The following OSBPL3 variants were observed in gnomAD, a reference collection of about 807,000 sequenced individuals.
OSBPL3 encodes oxysterol binding protein like 3.
A neutral mutation model predicts 120.1 loss-of-function variants in OSBPL3; 65 were observed. The ratio of observed to expected loss-of-function variants is 0.54; its 90% CI spans 0.44 to 0.67. The LOEUF is 0.67. Ranked by LOEUF, OSBPL3 falls within the 30% of genes least tolerant of loss-of-function variation. The probability of loss-of-function intolerance (pLI) is 0.00; values close to 1 mark genes in which losing one functional copy is unlikely to be tolerated. For synonymous variants in OSBPL3, 416 were observed against 402.6 expected, an observed-to-expected ratio of 1.03 and a Z score of -0.40; for missense variants, 1,004 against 1,082.1, an observed-to-expected ratio of 0.93 and a Z score of 1.01.
intron 12 of OSBPL3, among the ~76,000 whole-genome samples, chr7:24,844,295 C>T (rs1798132538): frequency 6.6e-6 from 1 of 152,192 alleles, no homozygotes; most frequent in African/African-American, 2.4e-5. Flanking sequence ...GCCCGGGCGC[C>T]ACATATGGCC....
chr7:24,923,232 G>T (rs554182766), intron 1 of OSBPL3, among the ~76,000 whole-genome samples: 1 of 152,234 alleles, frequency 6.6e-6, no homozygotes, highest in African/African-American at 2.4e-5. Flanking sequence ...AGCTCCTCAG[G>T]ACTGGGGAGT....
At position 24,967,520 on chromosome 7, in the gene OSBPL3, A is replaced by C. The variant is rs112095430; in HGVS notation, c.-150+12366T>G. 0.017 allele frequency among the ~76,000 whole-genome samples: 2,582 copies of C among 152,330 alleles called. 73 individuals are homozygous for C. Among genetic ancestry groups the C allele is most frequent in the African/African-American group, 0.059 (2,455 of 41,574 alleles). On this transcript the variant is annotated intron_variant, in intron 1 of 22. Transcript: ENST00000313367. The surrounding 1 kb of genome is among the most constrained non-coding windows in gnomAD (Gnocchi z 5.6). ...CCAACTCAACGGTTATCATGGAAAA[A>C]GTACCCACCCCAGAGAATGATTGTG...
At position 24,830,968 on chromosome 7, in the gene OSBPL3, G is replaced by T. The variant is rs1796298893; in HGVS notation, c.1747-63C>A. On this transcript the variant is annotated intron_variant, in intron 15 of 22. Coordinates refer to ENST00000313367, the MANE Select transcript of OSBPL3 (RefSeq NM_015550.4). The surrounding 1 kb of genome is among the most constrained non-coding windows in gnomAD (Gnocchi z 4.4). ...CACCAAGAGCTTTATTGTTCACAAA[G>T]AACTAAACAAAATAAAACCTCTATG... 1.4e-6 allele frequency: 2 copies of T among 1,455,522 alleles called. No individual in the cohort carries two copies. Among genetic ancestry groups the T allele is most frequent in the South Asian group, 1.4e-5 (1 of 70,754 alleles). The allele number at this position is 1,455,522 out of a possible 1,614,324, so 90.2% of individuals were successfully genotyped here.
Position 24,972,797 on chromosome 7 carries a change from A to G in OSBPL3, c.-150+7089T>C, listed in dbSNP as rs1302958317. Among the ~76,000 whole-genome samples the G allele has an allele frequency of 6.6e-6, 1 of 152,192 alleles. No homozygotes were observed. The highest frequency in any genetic ancestry group is 1.5e-5 in the Non-Finnish European group (1 of 68,036). On this transcript the variant is annotated intron_variant, in intron 1 of 22. Coordinates refer to ENST00000313367, the MANE Select transcript of OSBPL3 (RefSeq NM_015550.4). This position sits in a 1 kb window ranked among gnomAD's most constrained non-coding sequence, Gnocchi z 4.3. Reference sequence around the variant, plus strand: ...TAGCTTTAGCTTCTAAACATTTCAGATGACTGTCCACCACAAATTACTTGG... The same window carrying G: ...TAGCTTTAGCTTCTAAACATTTCAGGTGACTGTCCACCACAAATTACTTGG...
chr7:24,925,968 G>C lies in OSBPL3; in HGVS notation c.-149-33347C>G, dbSNP rs1389380327. ...AAAGTTTATCTTGTTTCATTAAAAG[G>C]ATCCTTAAATAGCTAGAGATTGAAA... On this transcript the variant is annotated intron_variant, in intron 1 of 22. Coordinates refer to ENST00000313367, the MANE Select transcript of OSBPL3 (RefSeq NM_015550.4). Among the ~76,000 whole-genome samples, 5 of 152,194 alleles carry C rather than the reference G, an allele frequency of 3.3e-5. No individual in the cohort carries two copies. In the East Asian group the frequency reaches 9.6e-4, roughly 29 times the overall value.
rs1181149329 is a variant in OSBPL3 at position 24,855,863 on chromosome 7, C to T, written c.1028-3229G>A. Among the ~76,000 whole-genome samples the T allele has an allele frequency of 6.6e-6, 1 of 152,146 alleles. No individual in the cohort carries two copies. Among genetic ancestry groups the T allele is most frequent in the Non-Finnish European group, 1.5e-5 (1 of 68,020 alleles). ...TTACCTGACAATAAATAAAGCCACACAGAAAATCTTAGATGCTCAGAGATT... is the reference window on the plus strand; with the variant it reads ...TTACCTGACAATAAATAAAGCCACATAGAAAATCTTAGATGCTCAGAGATT... On this transcript the variant is annotated intron_variant, in intron 10 of 22. Transcript: ENST00000313367. The surrounding 1 kb of genome is among the most constrained non-coding windows in gnomAD (Gnocchi z 4.3).
chr7:24,860,726 G>A (rs546856835), intron 10 of OSBPL3, among the ~76,000 whole-genome samples: 1 of 152,208 alleles, frequency 6.6e-6, no homozygotes, highest in East Asian at 1.9e-4. Context: ...ACGTCCCTGA[G>A]ATCCATCCAA....
rs190936571 is a variant in OSBPL3 at position 24,867,526 on chromosome 7, G to C, written c.382-1289C>G. Among the ~76,000 whole-genome samples the C allele has an allele frequency of 6.6e-6, 1 of 152,212 alleles. No homozygotes were observed. Among genetic ancestry groups the C allele is most frequent in the African/African-American group, 2.4e-5 (1 of 41,528 alleles). On this transcript the variant is annotated intron_variant, in intron 5 of 22. Coordinates refer to ENST00000313367, the MANE Select transcript of OSBPL3 (RefSeq NM_015550.4). The surrounding 1 kb of genome is among the most constrained non-coding windows in gnomAD (Gnocchi z 4.5). ...GTTCTCGTGGTGGTGCGTGGGTCTCGCAAGATCTGGTGGTATTATAAAGTG... is the reference window on the plus strand; with the variant it reads ...GTTCTCGTGGTGGTGCGTGGGTCTCCCAAGATCTGGTGGTATTATAAAGTG...
intron 1 of OSBPL3, among the ~76,000 whole-genome samples, chr7:24,905,319 C>T (rs771814586): frequency 5.9e-5 from 9 of 151,838 alleles, no homozygotes; most frequent in Admixed American, 2.0e-4. Context: ...GAAATGTGCA[C>T]CCAGCTCTGC....
At chr7:24,893,757 C>CG (rs1403483399) in intron 1 of OSBPL3, among the ~76,000 whole-genome samples, 26 of 47,158 alleles carry the variant, frequency 5.5e-4, no homozygotes, top group South Asian at 9.8e-4. Flanking sequence ...GCGGGGGGGA[C>CG]GGGGGGGTGG....
intron 6 of OSBPL3, among the ~76,000 whole-genome samples, chr7:24,865,776 GT>G (rs1801226221): frequency 6.6e-6 from 1 of 152,190 alleles, no homozygotes; most frequent in Non-Finnish European, 1.5e-5. Flanking sequence ...ACCTACTGTA[GT>G]TTACAACCAG....
intron 1 of OSBPL3, among the ~76,000 whole-genome samples, chr7:24,979,019 G>C (rs980856686): frequency 1.1e-4 from 17 of 152,192 alleles, no homozygotes; most frequent in Admixed American, 2.6e-4. Context: ...GGCCACAAAC[G>C]CTCCCCGGGA....
chr7:24,945,117 T>C (rs912892531), intron 1 of OSBPL3, among the ~76,000 whole-genome samples: 3 of 152,220 alleles, frequency 2.0e-5, no homozygotes, highest in South Asian at 2.1e-4. Flanking sequence ...ATATTATCAC[T>C]TGATAATAAA....
rs574426270 is a variant in OSBPL3, at chr7:24,848,826, A to T, written c.1266+243T>A. ...CATTTAGGAGCGAAACAGAAATATA[A>T]AAAAAAAAGAGAGTTCTGGGGAAGG... is the stretch of plus-strand genomic sequence containing the variant. On this transcript the variant is annotated intron_variant, in intron 12 of 22. Coordinates refer to ENST00000313367, the MANE Select transcript of OSBPL3 (RefSeq NM_015550.4). 3.0e-4 allele frequency among the ~76,000 whole-genome samples: 45 copies of T among 151,090 alleles called. 1 individual carries two copies. In the South Asian group the frequency reaches 6.7e-3, roughly 23 times the overall value.
Position 24,961,797 on chromosome 7 carries a change from A to T in OSBPL3, c.-150+18089T>A, listed in dbSNP as rs555163126. ...TCAGCATAGTGCATTAAACAAGGAG[A>T]TCTCTCTAGAAGGGCTCAAAAGTCC... On this transcript the variant is annotated intron_variant, in intron 1 of 22. Transcript: ENST00000313367. Among the ~76,000 whole-genome samples, 7 of 152,288 alleles carry T rather than the reference A, an allele frequency of 4.6e-5. No individual in the cohort carries two copies. The East Asian group carries it at 7.7e-4, about 17-fold the overall frequency.
chr7:24,820,603 T>G lies in OSBPL3; in HGVS notation c.1885-365A>C, dbSNP rs1032795850. Reference sequence around the variant, plus strand: ...CATATAATCTGACATTGGCTACCAATGTCAACATCTCTTATTAGCTGTTCT... The same window carrying G: ...CATATAATCTGACATTGGCTACCAAGGTCAACATCTCTTATTAGCTGTTCT... On this transcript the variant is annotated intron_variant, in intron 16 of 22. Coordinates refer to ENST00000313367, the MANE Select transcript of OSBPL3 (RefSeq NM_015550.4). This position sits in a 1 kb window ranked among gnomAD's most constrained non-coding sequence, Gnocchi z 4.6. 1.3e-5 allele frequency among the ~76,000 whole-genome samples: 2 copies of G among 152,232 alleles called. No homozygotes were observed. Among genetic ancestry groups the G allele is most frequent in the Non-Finnish European group, 2.9e-5 (2 of 68,038 alleles).
rs1260820337 is a variant in OSBPL3 at position 24,819,392 on chromosome 7, A to C, written c.1948+783T>G. 1.3e-5 allele frequency among the ~76,000 whole-genome samples: 2 copies of C among 152,218 alleles called. No homozygotes were observed. The highest frequency in any genetic ancestry group is 2.9e-5 in the Non-Finnish European group (2 of 68,040). ...TTGGTGAGAGAGCAGTTTTAATTTT[A>C]AACTTTAATAGCAAAGGTGAAGAAA... On this transcript the variant is annotated intron_variant, in intron 17 of 22. Coordinates refer to ENST00000313367, the MANE Select transcript of OSBPL3 (RefSeq NM_015550.4). This position sits in a 1 kb window ranked among gnomAD's most constrained non-coding sequence, Gnocchi z 4.1.
Position 24,871,137 on chromosome 7 carries a change from G to A in OSBPL3, c.268-292C>T, listed in dbSNP as rs915593366. Reference sequence around the variant, plus strand: ...GAGGAAACAAAAGAGTAAGCACCGTGGGTTGACTCCCATGGCAGTGAATTC... The same window carrying A: ...GAGGAAACAAAAGAGTAAGCACCGTAGGTTGACTCCCATGGCAGTGAATTC... On this transcript the variant is annotated intron_variant, in intron 4 of 22. Transcript: ENST00000313367. The surrounding 1 kb of genome is among the most constrained non-coding windows in gnomAD (Gnocchi z 4.8). 6.6e-6 allele frequency among the ~76,000 whole-genome samples: 1 copy of A among 152,192 alleles called. No homozygotes were observed. The highest frequency in any genetic ancestry group is 1.5e-5 in the Non-Finnish European group (1 of 68,032).
chr7:24,826,932 C>T (rs915034220), intron 16 of OSBPL3, among the ~76,000 whole-genome samples: 5 of 152,104 alleles, frequency 3.3e-5, no homozygotes, highest in African/African-American at 1.2e-4. Flanking sequence ...CCCAGCAAAT[C>T]CACAAGACAA....
Sources: gnomAD v4.1 joint callset for allele counts (sites outside exome capture counted in the v4.1 genomes callset) on GRCh38, gnomAD v4.1.1 for gene constraint, Gnocchi (gnomAD v3.1) non-coding constraint, MANE v1.5 for transcripts, NCBI Gene and HGNC (gene_info 2026-07-23, HGNC 2026-07-21) for gene names.